BMP7: variants seen among roughly 807,000 people sequenced by gnomAD.
The protein encoded by BMP7 is bone morphogenetic protein 7.
A neutral mutation model predicts 41.2 loss-of-function variants in BMP7; 12 were observed. The ratio of observed to expected loss-of-function variants is 0.29; its 90% confidence interval spans 0.19 to 0.47. The LOEUF is 0.47. Ranked by LOEUF, BMP7 falls within the 20% of genes least tolerant of loss-of-function variation. The probability of loss-of-function intolerance (pLI) is 0.99; values close to 1 mark genes in which losing one functional copy is unlikely to be tolerated. For synonymous variants in BMP7, 248 were observed against 250.0 expected (o/e 0.99, Z 0.07); for missense variants, 467 against 606.0 (o/e 0.77, Z 2.41).
At chr20:57,180,033 C>T (rs1984038839) in intron 4 of BMP7, among the ~76,000 whole-genome samples, 1 of 152,112 alleles carries the variant, frequency 6.6e-6, no homozygotes, top group African/African-American at 2.4e-5. Flanking sequence ...CTCCAAGACA[C>T]GGAAGTCTCT....
chr20:57,227,579 T>C (rs1010625226), intron 2 of BMP7, among the ~76,000 whole-genome samples: 3 of 152,174 alleles, frequency 2.0e-5, no homozygotes, highest in Non-Finnish European at 2.9e-5. Context: ...TCTGACAGCC[T>C]GCGGGGTCCA....
intron 1 of BMP7, among the ~76,000 whole-genome samples, chr20:57,260,300 T>G (rs1484770909): frequency 6.6e-6 from 1 of 152,168 alleles, no homozygotes; most frequent in East Asian, 1.9e-4. Context: ...AGCTCGCTTC[T>G]TGAAGGACCA....
chr20:57,248,374 C>T (rs1053250658), intron 1 of BMP7, among the ~76,000 whole-genome samples: 7 of 152,356 alleles, frequency 4.6e-5, no homozygotes, highest in African/African-American at 1.7e-4. Flanking sequence ...CATACATTCA[C>T]ACCCTCCCTC....
intron 1 of BMP7, among the ~76,000 whole-genome samples, chr20:57,237,363 TG>T (rs1208834610): frequency 2.0e-5 from 3 of 152,128 alleles, no homozygotes; most frequent in Non-Finnish European, 4.4e-5. Flanking sequence ...CTACCAACCC[TG>T]GCTCGCTCTT....
chr20:57,171,383 T>C lies in BMP7; in HGVS notation c.1147-275A>G, dbSNP rs1439053078. 1.3e-5 allele frequency among the ~76,000 whole-genome samples: 2 copies of C among 152,150 alleles called. No homozygotes were observed. Among genetic ancestry groups the C allele is most frequent in the African/African-American group, 4.8e-5 (2 of 41,430 alleles). On this transcript the variant is annotated intron_variant, in intron 6 of 6. Coordinates refer to ENST00000395863, the MANE Select transcript of BMP7 (RefSeq NM_001719.3). This position sits in a 1 kb window ranked among gnomAD's most constrained non-coding sequence, Gnocchi z 4.5. The stretch of plus-strand genomic sequence containing the variant: ...GATCCGACATTCAGGACCAGGTAAT[T>C]CTCTGTTGGGGAACTGCCCTGTGCA...
intron 1 of BMP7, among the ~76,000 whole-genome samples, chr20:57,232,705 GCTTT>G (rs1249815362): frequency 6.6e-6 from 1 of 152,198 alleles, no homozygotes; most frequent in Non-Finnish European, 1.5e-5. Context: ...CTTTGGTATG[GCTTT>G]CTGAGAGGAT....
chr20:57,243,047 C>A (rs1411589510), intron 1 of BMP7, among the ~76,000 whole-genome samples: 1 of 152,176 alleles, frequency 6.6e-6, no homozygotes, highest in Non-Finnish European at 1.5e-5. Context: ...GGCTCATGGC[C>A]TTCCTAGTGG....
intron 1 of BMP7, among the ~76,000 whole-genome samples, chr20:57,241,897 G>A: frequency 6.6e-6 from 1 of 152,294 alleles, no homozygotes; most frequent in East Asian, 1.9e-4. Flanking sequence ...GAAAAAAGAT[G>A]GGTTTAATTA....
At chr20:57,212,516 T>A (rs1377023962) in intron 2 of BMP7, among the ~76,000 whole-genome samples, 1 of 152,186 alleles carries the variant, frequency 6.6e-6, no homozygotes, top group African/African-American at 2.4e-5. Context: ...ACTCTGCTGC[T>A]CTTTGGAAAA....
At chr20:57,184,583 C>T (rs1281236985) in intron 3 of BMP7, among the ~76,000 whole-genome samples, 3 of 152,258 alleles carry the variant, frequency 2.0e-5, no homozygotes, top group East Asian at 3.9e-4. Flanking sequence ...AGCCCAGTGT[C>T]CTCTGTTGCT....
At chr20:57,216,105 G>T (rs1042904989) in intron 2 of BMP7, among the ~76,000 whole-genome samples, 31 of 152,282 alleles carry the variant, frequency 2.0e-4, no homozygotes, top group Non-Finnish European at 3.1e-4. Context: ...GCTGTTCTAA[G>T]ACTTATTCTC....
intron 4 of BMP7, among the ~76,000 whole-genome samples, chr20:57,182,210 A>G (rs1414426758): frequency 6.6e-6 from 1 of 152,152 alleles, no homozygotes; most frequent in Non-Finnish European, 1.5e-5. Flanking sequence ...CGGACTTGAC[A>G]CTGCATGTGC....
chr20:57,189,410 A>G (rs1344669231), intron 3 of BMP7, among the ~76,000 whole-genome samples: 1 of 152,232 alleles, frequency 6.6e-6, no homozygotes, highest in African/African-American at 2.4e-5. Flanking sequence ...CCTCTTGTTC[A>G]AAAGTGATTC....
At chr20:57,211,722 G>C (rs1984888557) in intron 2 of BMP7, among the ~76,000 whole-genome samples, 1 of 152,172 alleles carries the variant, frequency 6.6e-6, no homozygotes, top group Non-Finnish European at 1.5e-5. Flanking sequence ...GGGTCAGGGT[G>C]GTGTGACTGC....
chr20:57,180,172 C>A (rs1222593605), intron 4 of BMP7, among the ~76,000 whole-genome samples: 2 of 152,154 alleles, frequency 1.3e-5, no homozygotes, highest in Non-Finnish European at 2.9e-5. Context: ...CCAGAATGAT[C>A]TTATCACCTG....
chr20:57,174,979 G>C lies in BMP7; in HGVS notation c.987C>G (p.Ala329=). 1 of 1,612,330 alleles carries C rather than the reference G, an allele frequency of 6.2e-7. No individual in the cohort carries two copies. The highest frequency in any genetic ancestry group is 8.5e-7 in the Non-Finnish European group (1 of 1,179,918). ...AENSSSDQRQ[A]CKKHELYVSF... ...TGACATACAGCTCGTGCTTCTTACAGGCCTGCCTCTGGTCGCTGCTGCTGT... is the reference window on the plus strand; with the variant it reads ...TGACATACAGCTCGTGCTTCTTACACGCCTGCCTCTGGTCGCTGCTGCTGT... Residue 329 remains alanine, a synonymous_variant, in exon 5 of 7, where the codon GCC becomes GCG. Transcript: ENST00000395863. This position sits in a 1 kb window ranked among gnomAD's most constrained non-coding sequence, Gnocchi z 4.3.
intron 4 of BMP7, among the ~76,000 whole-genome samples, chr20:57,180,753 T>A (rs1984061487): frequency 6.6e-6 from 1 of 151,796 alleles, no homozygotes; most frequent in Non-Finnish European, 1.5e-5. Flanking sequence ...GAAAAGAAAA[T>A]ATACGGAATC....
Position 57,266,072 on chromosome 20 carries a change from G to T in BMP7, c.51C>A (p.Leu17=), listed in dbSNP as rs1485295213. The change falls in exon 1 of 7, where the codon CTC becomes CTA. Residue 17 remains leucine (L), a synonymous_variant. Transcript: ENST00000395863. The stretch of plus-strand genomic sequence containing the variant: ...AGCGCAGCAGGAACAGGGGTGCCCA[G>T]AGCGCCACGAAGCTGTGCGGCGCCG... ...RAAAPHSFVA[L]WAPLFLLRSA... 6.5e-7 allele frequency: 1 copy of T among 1,539,414 alleles called. No homozygotes were observed.
chr20:57,242,628 C>A (rs564176716), intron 1 of BMP7, among the ~76,000 whole-genome samples: 1 of 152,194 alleles, frequency 6.6e-6, no homozygotes, highest in African/African-American at 2.4e-5. Flanking sequence ...CACTGAGACA[C>A]GTGGGGCTAC....
Sources: gnomAD v4.1 joint callset for allele counts (sites outside exome capture counted in the v4.1 genomes callset) on GRCh38, gnomAD v4.1.1 for gene constraint, Gnocchi (gnomAD v3.1) non-coding constraint, MANE v1.5 for transcripts, NCBI Gene and HGNC (gene_info 2026-07-23, HGNC 2026-07-21) for gene names.